The following BTBD9 variants were observed in gnomAD, a reference collection of about 807,000 sequenced individuals.
The protein encoded by BTBD9 is BTB domain containing 9, also known as BTB/POZ domain-containing protein 9.
In BTBD9, 49 loss-of-function variants were observed where a neutral mutation model predicts 64.3. The observed-to-expected ratio is 0.76, with a 90% CI of 0.61 to 0.97. The LOEUF (loss-of-function observed/expected upper bound fraction) is 0.97, where lower values mean the gene tolerates loss of function less well. Ranked by LOEUF, BTBD9 falls within the 50% of genes least tolerant of loss-of-function variation. The pLI, the probability that BTBD9 is intolerant of heterozygous loss-of-function variation, is 0.00. For missense variants in BTBD9, 598 were observed against 762.1 expected (o/e 0.78, Z 2.53); for synonymous variants, 260 against 274.7 (o/e 0.95, Z 0.53).
chr6:38,608,917 G>A (rs774504450), intron 1 of BTBD9, among the ~76,000 whole-genome samples: 29 of 151,980 alleles, frequency 1.9e-4, no homozygotes, highest in Admixed American at 1.9e-3. Flanking sequence ...ATAACATTCT[G>A]TACTGTGATT....
chr6:38,444,550 C>A (rs1769185825), intron 6 of BTBD9, among the ~76,000 whole-genome samples: 1 of 152,144 alleles, frequency 6.6e-6, no homozygotes, highest in South Asian at 2.1e-4. Context: ...AGCTTGGACT[C>A]TGGAGCCAGA....
chr6:38,595,174 G>A (rs1330015407), intron 2 of BTBD9, among the ~76,000 whole-genome samples: 1 of 152,144 alleles, frequency 6.6e-6, no homozygotes, highest in Non-Finnish European at 1.5e-5. Context: ...ACATGTTTAT[G>A]CACATATGTC....
intron 1 of BTBD9, among the ~76,000 whole-genome samples, chr6:38,607,829 C>T (rs868370048): frequency 6.6e-6 from 1 of 151,686 alleles, no homozygotes; most frequent in Middle Eastern, 3.5e-3. Flanking sequence ...TTCAAGCCCT[C>T]TTCAGTCTCT....
Position 38,436,372 on chromosome 6 carries a change from AT to A in BTBD9, c.1155-91280del, listed in dbSNP as rs10647439. On this transcript the variant is annotated intron_variant, in intron 6 of 10. Transcript: ENST00000481247. Reference sequence around the variant, plus strand: ...AAGCAATAATATCTACCCCAATTCTATTTTTTTTTTTTTTTTTTTTGAGACG... The same window carrying A: ...AAGCAATAATATCTACCCCAATTCTATTTTTTTTTTTTTTTTTTTGAGACG... Among the ~76,000 whole-genome samples, 584 of 118,298 alleles carry A rather than the reference AT, an allele frequency of 4.9e-3. 2 individuals are homozygous for A. The highest frequency in any genetic ancestry group is 0.017 in the African/African-American group (507 of 30,172). The allele number at this position is 118,298 out of a possible 152,430, so 77.6% of individuals were successfully genotyped here.
intron 6 of BTBD9, among the ~76,000 whole-genome samples, chr6:38,452,365 T>G (rs1038637859): frequency 2.0e-5 from 3 of 152,094 alleles, no homozygotes; most frequent in African/African-American, 7.2e-5. Flanking sequence ...TTAACAACAT[T>G]AATAACTTCA....
intron 6 of BTBD9, among the ~76,000 whole-genome samples, chr6:38,466,144 C>A (rs1770375590): frequency 6.6e-6 from 1 of 151,860 alleles, no homozygotes; most frequent in Non-Finnish European, 1.5e-5. Context: ...TAAATCTGTC[C>A]TTTACAACTA....
intron 6 of BTBD9, among the ~76,000 whole-genome samples, chr6:38,450,284 G>C (rs1769466333): frequency 6.6e-6 from 1 of 152,102 alleles, no homozygotes; most frequent in Non-Finnish European, 1.5e-5. Context: ...GAGAAGATGG[G>C]GAAATGCTAG....
chr6:38,235,635 C>T (rs1763750838), intron 9 of BTBD9, among the ~76,000 whole-genome samples: 1 of 152,112 alleles, frequency 6.6e-6, no homozygotes. Context: ...GTAGGGTGCA[C>T]ACCAGATGGA....
intron 1 of BTBD9, among the ~76,000 whole-genome samples, chr6:38,620,094 A>G (rs1051386204): frequency 2.0e-5 from 3 of 152,218 alleles, no homozygotes; most frequent in East Asian, 1.9e-4. Context: ...CCTGAAGCTC[A>G]TGAAGGATTA....
At chr6:38,299,875 G>T (rs952759427) in intron 7 of BTBD9, among the ~76,000 whole-genome samples, 4 of 152,278 alleles carry the variant, frequency 2.6e-5, no homozygotes, top group African/African-American at 9.6e-5. Flanking sequence ...GATCCCATTT[G>T]TCAATTTTGG....
At chr6:38,619,506 G>A (rs994049596) in intron 1 of BTBD9, among the ~76,000 whole-genome samples, 4 of 152,174 alleles carry the variant, frequency 2.6e-5, no homozygotes, top group African/African-American at 9.7e-5. Context: ...CCTTGCCCAT[G>A]TCCACTATGC....
Position 38,298,899 on chromosome 6 carries a change from A to G in BTBD9, c.1265-10438T>C, listed in dbSNP as rs190920580. On this transcript the variant is annotated intron_variant, in intron 7 of 10. Transcript: ENST00000481247. ...ACTTTAAGTTTTAGGGTACATGTGCACAACGTGCAGGTTTGTTACATATGT... is the reference window on the plus strand; with the variant it reads ...ACTTTAAGTTTTAGGGTACATGTGCGCAACGTGCAGGTTTGTTACATATGT... 2.0e-4 allele frequency among the ~76,000 whole-genome samples: 30 copies of G among 150,590 alleles called. No homozygotes were observed. The East Asian group carries it at 5.8e-3, about 29-fold the overall frequency.
chr6:38,567,675 A>C (rs540060682), intron 6 of BTBD9, among the ~76,000 whole-genome samples: 27 of 152,274 alleles, frequency 1.8e-4, no homozygotes, highest in Middle Eastern at 3.4e-3. Context: ...GCCGACAAGC[A>C]ATCTGGTTTT....
chr6:38,395,159 G>A (rs982140591), intron 6 of BTBD9, among the ~76,000 whole-genome samples: 2 of 152,056 alleles, frequency 1.3e-5, no homozygotes, highest in African/African-American at 4.8e-5. Flanking sequence ...AGCCAGGTGT[G>A]GTGGTTCACA....
chr6:38,193,734 C>G, intron 9 of BTBD9: 1 of 816,590 alleles, frequency 1.2e-6, no homozygotes, highest in Non-Finnish European at 1.4e-6. Context: ...GTGGAAATGC[C>G]AGCTGCTGGA....
chr6:38,590,089 T>G (rs1776728719), intron 4 of BTBD9, among the ~76,000 whole-genome samples: 1 of 152,204 alleles, frequency 6.6e-6, no homozygotes, highest in Non-Finnish European at 1.5e-5. Flanking sequence ...TCACCAAGCA[T>G]TCACCAATTA....
chr6:38,250,868 C>T lies in BTBD9; in HGVS notation c.1562+5541G>A, dbSNP rs772181712. On this transcript the variant is annotated intron_variant, in intron 9 of 10. Coordinates refer to ENST00000481247, the MANE Select transcript of BTBD9 (RefSeq NM_001099272.2). The stretch of plus-strand genomic sequence containing the variant: ...TGGGGGGATCACAAGGTCAGGAGTT[C>T]GAGACTAGCCTGACCAACGTAGGGA... Among the ~76,000 whole-genome samples the T allele has an allele frequency of 1.5e-4, 22 of 150,698 alleles. No homozygotes were observed. The East Asian group carries it at 2.1e-3, about 15-fold the overall frequency.
intron 6 of BTBD9, among the ~76,000 whole-genome samples, chr6:38,556,548 TGTGA>T (rs1262771525): frequency 0.084 from 6,033 of 71,606 alleles, 104 homozygotes; most frequent in Middle Eastern, 0.15. Flanking sequence ...TGTGTGTGTG[TGTGA>T]GAGAGAGAGA....
chr6:38,326,548 G>A (rs541929351), intron 7 of BTBD9, among the ~76,000 whole-genome samples: 2 of 152,270 alleles, frequency 1.3e-5, no homozygotes, highest in Non-Finnish European at 2.9e-5. Flanking sequence ...GGTGGCTTGC[G>A]CTAGGGTGGC....
Sources: gnomAD v4.1 joint callset for allele counts (sites outside exome capture counted in the v4.1 genomes callset) on GRCh38, gnomAD v4.1.1 for gene constraint, MANE v1.5 for transcripts, NCBI Gene and HGNC (gene_info 2026-07-23, HGNC 2026-07-21) for gene names.